The following RGS6 variants were observed in gnomAD, a reference collection of about 807,000 sequenced individuals.
RGS6 encodes regulator of G protein signaling 6.
RGS6 carries 30 observed loss-of-function variants against 78.5 expected under a neutral mutation model. The ratio of observed to expected loss-of-function variants is 0.38; its 90% confidence interval spans 0.29 to 0.52. The LOEUF (loss-of-function observed/expected upper bound fraction) is 0.52, where lower values mean the gene tolerates loss of function less well. Ranked by LOEUF, RGS6 falls within the 20% of genes least tolerant of loss-of-function variation. The pLI is 0.85. For synonymous variants in RGS6, 206 were observed against 206.0 expected (o/e 1.00, Z 0.00); for missense variants, 495 against 609.7 (o/e 0.81, Z 1.98).
intron 2 of RGS6, among the ~76,000 whole-genome samples, chr14:71,967,024 T>C (rs1033824706): frequency 6.6e-6 from 1 of 152,032 alleles, no homozygotes; most frequent in Non-Finnish European, 1.5e-5. Flanking sequence ...AAAAAAAAAC[T>C]TCCTGCAGGT....
intron 2 of RGS6, among the ~76,000 whole-genome samples, chr14:72,041,631 C>G (rs1053391300): frequency 6.6e-6 from 1 of 152,194 alleles, no homozygotes; most frequent in South Asian, 2.1e-4. Context: ...GCTGTGCCAG[C>G]CTGGGGAAAG....
intron 8 of RGS6, among the ~76,000 whole-genome samples, chr14:72,470,955 T>G (rs925174625): frequency 3.3e-5 from 5 of 151,006 alleles, no homozygotes; most frequent in African/African-American, 1.2e-4. Flanking sequence ...AAATCTGCCC[T>G]TCCTGTACAG....
chr14:72,617,747 G>A, the RGS6 span, among the ~76,000 whole-genome samples: 1 of 152,132 alleles, frequency 6.6e-6, no homozygotes, highest in Admixed American at 6.5e-5. Flanking sequence ...TACTGCGGCC[G>A]GGCAGAGGTG....
chr14:72,293,508 T>C (rs1295652845), intron 2 of RGS6, among the ~76,000 whole-genome samples: 1 of 151,894 alleles, frequency 6.6e-6, no homozygotes, highest in Non-Finnish European at 1.5e-5. Flanking sequence ...CCACTTCCTC[T>C]CTCCTCCTTC....
intron 2 of RGS6, among the ~76,000 whole-genome samples, chr14:72,149,953 G>C (rs1333117670): frequency 6.6e-6 from 1 of 152,142 alleles, no homozygotes; most frequent in Non-Finnish European, 1.5e-5. Context: ...GATCCTGGCT[G>C]TGGCTTCAAA....
At chr14:72,468,668 A>G (rs1597955544) in intron 7 of RGS6, among the ~76,000 whole-genome samples, 1 of 151,854 alleles carries the variant, frequency 6.6e-6, no homozygotes, top group Non-Finnish European at 1.5e-5. Context: ...CTCTTTCCCC[A>G]GTCATTATAC....
chr14:71,871,188 G>A, the RGS6 span, among the ~76,000 whole-genome samples: 1 of 152,006 alleles, frequency 6.6e-6, no homozygotes. Flanking sequence ...AGGACTATTT[G>A]GTGAGTTCAG....
At chr14:72,052,871 C>T (rs537594583) in intron 2 of RGS6, among the ~76,000 whole-genome samples, 1 of 151,758 alleles carries the variant, frequency 6.6e-6, no homozygotes, top group South Asian at 2.1e-4. Flanking sequence ...CCCAGAGGTT[C>T]TTCCAATGTG....
intron 3 of RGS6, among the ~76,000 whole-genome samples, chr14:72,414,174 G>C (rs1472457141): frequency 6.6e-6 from 1 of 152,146 alleles, no homozygotes; most frequent in Non-Finnish European, 1.5e-5. Context: ...TTTCCAACTT[G>C]GTTCCATTCT....
chr14:72,196,507 C>T (rs1397610834), intron 2 of RGS6, among the ~76,000 whole-genome samples: 1 of 152,190 alleles, frequency 6.6e-6, no homozygotes, highest in Non-Finnish European at 1.5e-5. Flanking sequence ...GACATGCCCC[C>T]TGTTCCTCCT....
chr14:72,102,514 C>T (rs1409408540), intron 2 of RGS6, among the ~76,000 whole-genome samples: 1 of 152,086 alleles, frequency 6.6e-6, no homozygotes, highest in Non-Finnish European at 1.5e-5. Flanking sequence ...CTTTTAATCA[C>T]AGAACTTTAC....
At chr14:72,087,013 G>GTGT (rs2095068605) in intron 2 of RGS6, among the ~76,000 whole-genome samples, 7 of 152,122 alleles carry the variant, frequency 4.6e-5, no homozygotes, top group Admixed American at 4.6e-4. Context: ...TTATTACTAT[G>GTGT]TGTTCTTAGG....
intron 2 of RGS6, among the ~76,000 whole-genome samples, chr14:72,300,288 A>G (rs1056999559): frequency 2.0e-5 from 3 of 152,150 alleles, no homozygotes; most frequent in Non-Finnish European, 4.4e-5. Flanking sequence ...TACCCAATTT[A>G]TAGATAAAAA....
At chr14:72,403,014 C>T (rs892241193) in intron 3 of RGS6, among the ~76,000 whole-genome samples, 16 of 151,912 alleles carry the variant, frequency 1.1e-4, no homozygotes, top group African/African-American at 3.6e-4. Flanking sequence ...TGGTCTTGAA[C>T]CCCTGATCTC....
At chr14:72,515,731 T>C (rs541599789) in intron 14 of RGS6, 3 of 152,378 alleles carry the variant, frequency 2.0e-5, no homozygotes, top group Admixed American at 6.5e-5. Flanking sequence ...AGCTGAGTGA[T>C]GTACATTTTC....
At chr14:72,305,750 CCCTACA>C (rs2067095321) in intron 2 of RGS6, among the ~76,000 whole-genome samples, 1 of 152,148 alleles carries the variant, frequency 6.6e-6, no homozygotes, top group African/African-American at 2.4e-5. Context: ...CAATTCATAA[CCCTACA>C]ATGGCTTCTA....
At chr14:71,882,350 A>T in the RGS6 span, among the ~76,000 whole-genome samples, 1 of 152,176 alleles carries the variant, frequency 6.6e-6, no homozygotes, top group Non-Finnish European at 1.5e-5. Flanking sequence ...TTATCCATTC[A>T]TGTGTTGATG....
chr14:72,225,664 C>T (rs1315694419), intron 2 of RGS6, among the ~76,000 whole-genome samples: 1 of 152,118 alleles, frequency 6.6e-6, no homozygotes, highest in Non-Finnish European at 1.5e-5. Flanking sequence ...AAAAATCAAA[C>T]TTCCTATAAT....
At chr14:71,930,163 TTCTG>T (rs1566851239), upstream of RGS6, among the ~76,000 whole-genome samples, 1 of 137,580 alleles carries the variant, frequency 7.3e-6, no homozygotes, top group African/African-American at 2.5e-5. Flanking sequence ...ACTTATATTT[TTCTG>T]TCTATCTATC....
Sources: allele counts gnomAD v4.1 joint callset (sites outside exome capture counted in the v4.1 genomes callset), GRCh38; gene constraint gnomAD v4.1.1; transcripts MANE v1.5; gene names NCBI Gene and HGNC (gene_info 2026-07-23, HGNC 2026-07-21).